CRTC1: variants seen among roughly 807,000 people sequenced by gnomAD.
CRTC1 encodes the protein CREB-regulated transcription coactivator 1.
CRTC1 carries 18 observed loss-of-function variants against 66.1 expected under a neutral mutation model. That is an observed-to-expected ratio of 0.27 (90% CI 0.19 to 0.40). CRTC1 has a LOEUF of 0.40. Among genes scored for constraint, CRTC1 ranks in the 10% least tolerant of loss-of-function variants. The pLI, the probability that CRTC1 is intolerant of heterozygous loss-of-function variation, is 1.00. For missense variants in CRTC1, 669 were observed against 887.9 expected, an observed-to-expected ratio of 0.75 and a Z score of 3.13; for synonymous variants, 416 against 398.8, an observed-to-expected ratio of 1.04 and a Z score of -0.51.
chr19:18,774,522 C>T (rs968606934), intron 11 of CRTC1, among the ~76,000 whole-genome samples: 4 of 152,044 alleles, frequency 2.6e-5, no homozygotes, highest in Admixed American at 6.5e-5. Flanking sequence ...CTGAATGTAA[C>T]GTCTGGGCAC....
At chr19:18,743,190 G>T (rs1442644208) in intron 2 of CRTC1, among the ~76,000 whole-genome samples, 164 bp downstream of exon 2, 1 of 152,236 alleles carries the variant, frequency 6.6e-6, no homozygotes, top group East Asian at 1.9e-4. Flanking sequence ...AAGCAGAGTG[G>T]CCCCACCAGG....
At chr19:18,687,364 G>A (rs2052709307) in intron 1 of CRTC1, among the ~76,000 whole-genome samples, 1 of 152,114 alleles carries the variant, frequency 6.6e-6, no homozygotes, top group Non-Finnish European at 1.5e-5. Context: ...ACAGTGAGGT[G>A]GGCCAGGGTG....
chr19:18,775,715 C>T lies in CRTC1; in HGVS notation c.1587C>T (p.Tyr529=), dbSNP rs1413648764. The T allele has an allele frequency of 3.1e-6, 5 of 1,612,630 alleles. No homozygotes were observed. Among genetic ancestry groups the T allele is most frequent in the South Asian group, 1.1e-5 (1 of 91,074 alleles). ...ACAGCCCGGGCTCCACACTCAACTA[C>T]TCGCAGGCGGCCATGATGGGCCTCA... is the stretch of plus-strand genomic sequence containing the variant. ...SLYSPGSTLN[Y]SQAAMMGLTG... Residue 529 remains tyrosine, a synonymous_variant, in exon 13 of 14, where the codon TAC becomes TAT. Coordinates refer to ENST00000321949, the MANE Select transcript of CRTC1 (RefSeq NM_015321.3).
chr19:18,707,667 C>A (rs903657580), intron 1 of CRTC1, among the ~76,000 whole-genome samples: 1 of 152,114 alleles, frequency 6.6e-6, no homozygotes, highest in Non-Finnish European at 1.5e-5. Flanking sequence ...TGCATTGAAT[C>A]TAGACTGTTT....
chr19:18,776,492 A>G (rs2054991649), intron 13 of CRTC1, among the ~76,000 whole-genome samples: 2 of 152,102 alleles, frequency 1.3e-5, no homozygotes, highest in Non-Finnish European at 2.9e-5. Context: ...AAGTGTCCGT[A>G]TTTAGTGCTC....
chr19:18,771,106 A>C lies in CRTC1; in HGVS notation c.1321-336A>C, dbSNP rs1601009905. On this transcript the variant is annotated intron_variant, in intron 10 of 13. Coordinates refer to ENST00000321949, the MANE Select transcript of CRTC1 (RefSeq NM_015321.3). The surrounding 1 kb of genome is among the most constrained non-coding windows in gnomAD (Gnocchi z 4.6). Reference sequence around the variant, plus strand: ...CGTGGGTATGTCTGTGTGGGTGTGCATGCATGAGAGTGCACACGTTGCTAT... The same window carrying C: ...CGTGGGTATGTCTGTGTGGGTGTGCCTGCATGAGAGTGCACACGTTGCTAT... Among the ~76,000 whole-genome samples, 1 of 152,132 alleles carries C rather than the reference A, an allele frequency of 6.6e-6. No individual in the cohort carries two copies. The highest frequency in any genetic ancestry group is 1.5e-5 in the Non-Finnish European group (1 of 68,000).
chr19:18,701,520 C>T (rs1481487370), intron 1 of CRTC1, among the ~76,000 whole-genome samples: 1 of 152,264 alleles, frequency 6.6e-6, no homozygotes, highest in Non-Finnish European at 1.5e-5. Context: ...AATATGACAG[C>T]TGCCACTGTG....
rs1319738649 is a variant in CRTC1, at chr19:18,771,011, T to A, written c.1321-431T>A. On this transcript the variant is annotated intron_variant, in intron 10 of 13. Coordinates refer to ENST00000321949, the MANE Select transcript of CRTC1 (RefSeq NM_015321.3). This position sits in a 1 kb window ranked among gnomAD's most constrained non-coding sequence, Gnocchi z 4.6. The stretch of plus-strand genomic sequence containing the variant: ...GTGCATGCATGGGCATGTACATTCA[T>A]GTGTGGATATGTGCACATGTGTGGG... Among the ~76,000 whole-genome samples the A allele has an allele frequency of 6.6e-6, 1 of 151,520 alleles. No individual in the cohort carries two copies. Among genetic ancestry groups the A allele is most frequent in the Non-Finnish European group, 1.5e-5 (1 of 67,836 alleles).
chr19:18,727,573 T>G (rs1268292537), intron 1 of CRTC1, among the ~76,000 whole-genome samples: 1 of 27,870 alleles, frequency 3.6e-5, no homozygotes, highest in Non-Finnish European at 6.1e-5. Flanking sequence ...AGAGCAAGAC[T>G]CTGTCTCAAA....
In CRTC1 at chr19:18,740,081, C is replaced by T. The variant is rs141947042; in HGVS notation, c.127-2829C>T. Among the ~76,000 whole-genome samples, 319 of 151,902 alleles carry T rather than the reference C, an allele frequency of 2.1e-3. 2 individuals carry two copies. The highest frequency in any genetic ancestry group is 3.5e-3 in the Non-Finnish European group (235 of 67,940). The stretch of plus-strand genomic sequence containing the variant: ...CAGCCTGGCCAACGTGGTGAAACTC[C>T]GTCTCTACTAAAAATACAAAAATTA... On this transcript the variant is annotated intron_variant, in intron 1 of 13. Transcript: ENST00000321949.
At chr19:18,705,330 AT>A (rs71168763) in intron 1 of CRTC1, among the ~76,000 whole-genome samples, 8 of 151,622 alleles carry the variant, frequency 5.3e-5, no homozygotes, top group African/African-American at 1.9e-4. Context: ...TGTATGTTTA[AT>A]TTTTTTTGAG....
chr19:18,771,621 A>G lies in CRTC1; in HGVS notation c.1425+75A>G, dbSNP rs925244291. ...TTCATGCCCCGTGTGTTCCCTGCCC[A>G]CTGTCTGTCCTCATGCATCGCTCCT... On this transcript the variant is annotated intron_variant, in intron 11 of 13. Transcript: ENST00000321949. The surrounding 1 kb of genome is among the most constrained non-coding windows in gnomAD (Gnocchi z 4.6). The G allele has an allele frequency of 1.5e-5, 17 of 1,145,770 alleles. No individual in the cohort carries two copies. The highest frequency in any genetic ancestry group is 1.9e-4 in the Middle Eastern group (1 of 5,156). 71.0% of individuals were successfully genotyped at this position (1,145,770 alleles called of 1,614,324 possible). A position where few individuals can be genotyped will look rare whatever the true frequency, so the allele number is the denominator to read the frequency against.
chr19:18,758,996 C>T (rs2054554063), intron 6 of CRTC1, among the ~76,000 whole-genome samples: 2 of 152,210 alleles, frequency 1.3e-5, no homozygotes, highest in African/African-American at 2.4e-5. Context: ...TGGCTGCTGA[C>T]TGCTGTGGTA....
intron 1 of CRTC1, among the ~76,000 whole-genome samples, chr19:18,727,388 T>G (rs2053780189): frequency 6.6e-6 from 1 of 151,804 alleles, no homozygotes; most frequent in South Asian, 2.1e-4. Flanking sequence ...GAGACCATCC[T>G]GGCTAACACA....
At chr19:18,732,066 C>G (rs2053902159) in intron 1 of CRTC1, among the ~76,000 whole-genome samples, 1 of 152,238 alleles carries the variant, frequency 6.6e-6, no homozygotes, top group Non-Finnish European at 1.5e-5. Flanking sequence ...TGGACAGTTC[C>G]TGTAATTCCT....
intron 6 of CRTC1, among the ~76,000 whole-genome samples, chr19:18,758,360 TAAA>T (rs920751999): frequency 1.1e-4 from 12 of 108,276 alleles, no homozygotes; most frequent in African/African-American, 3.1e-4. Flanking sequence ...ACTCCGTCTC[TAAA>T]AAAAAAAAAA....
rs1291281853 is a variant in CRTC1, at chr19:18,781,838, A to T, written c.*4456A>T. 4.3e-6 allele frequency: 1 copy of T among 230,656 alleles called. No homozygotes were observed. The highest frequency in any genetic ancestry group is 5.7e-5 in the Admixed American group (1 of 17,686). 14.3% of individuals were successfully genotyped at this position (230,656 alleles called of 1,614,324 possible). A position where few individuals can be genotyped will look rare whatever the true frequency, so the allele number is the denominator to read the frequency against. On this transcript the variant is annotated 3_prime_UTR_variant, in exon 14 of 14. Transcript: ENST00000321949. ...CACCCCACCCCCAGGAGCCAGGGAC[A>T]GGTGGCATGTGTTGGGGTCGGGGGA...
intron 2 of CRTC1, among the ~76,000 whole-genome samples, chr19:18,744,491 A>AC (rs2054185951): frequency 6.7e-5 from 10 of 148,806 alleles, no homozygotes; most frequent in Non-Finnish European, 1.3e-4. Context: ...CACACACACA[A>AC]ACACACACAC....
At chr19:18,775,049 G>C in intron 12 of CRTC1, 63 bp downstream of exon 12, 2 of 1,508,980 alleles carry the variant, frequency 1.3e-6, no homozygotes, top group Non-Finnish European at 1.8e-6. Context: ...TGGGACCCTC[G>C]CTGGGACCCG....
Sources: allele counts gnomAD v4.1 joint callset (sites outside exome capture counted in the v4.1 genomes callset), GRCh38; gene constraint gnomAD v4.1.1; non-coding constraint Gnocchi (gnomAD v3.1); transcripts MANE v1.5; gene names NCBI Gene and HGNC (gene_info 2026-07-23, HGNC 2026-07-21).